RPGRIP1: variants seen among roughly 807,000 people sequenced by gnomAD.
RPGRIP1 encodes X-linked retinitis pigmentosa GTPase regulator-interacting protein 1.
RPGRIP1 carries 128 observed loss-of-function variants against 157.9 expected under a neutral mutation model. That is an observed-to-expected ratio of 0.81 (90% CI 0.70 to 0.94). RPGRIP1 has a LOEUF of 0.94. RPGRIP1 is among the 40% of genes least tolerant of loss of function. The pLI is 0.00. For missense variants in RPGRIP1, 1,486 were observed against 1,545.8 expected (o/e 0.96, Z 0.65); for synonymous variants, 554 against 571.6 (o/e 0.97, Z 0.44).
chr14:21,332,324 A>G (rs1379944742), intron 20 of RPGRIP1, among the ~76,000 whole-genome samples: 4 of 152,150 alleles, frequency 2.6e-5, no homozygotes, highest in Non-Finnish European at 4.4e-5. Flanking sequence ...CATGAGAAGG[A>G]TAATTTTTCT....
chr14:21,334,734 C>G, intron 21 of RPGRIP1, 29 bp downstream of exon 21: 1 of 1,360,994 alleles, frequency 7.3e-7, no homozygotes. Context: ...TCATTGCATA[C>G]GAGATAAGAC....
chr14:21,288,798 C>A (rs1880404294), intron 2 of RPGRIP1, among the ~76,000 whole-genome samples: 1 of 152,098 alleles, frequency 6.6e-6, no homozygotes. Flanking sequence ...CAGGCGTGAG[C>A]CACCGTGCCC....
intron 22 of RPGRIP1, 103 bp from the exon 23 acceptor site, chr14:21,345,010 A>T: frequency 2.6e-6 from 2 of 763,778 alleles, no homozygotes. Flanking sequence ...CAAGGAGTCT[A>T]ATCTTTTTAT....
chr14:21,324,663 G>A lies in RPGRIP1; in HGVS notation c.1808G>A (p.Cys603Tyr), dbSNP rs1217810346. 2.5e-6 allele frequency: 4 copies of A among 1,613,844 alleles called. No individual in the cohort carries two copies. Among genetic ancestry groups the A allele is most frequent in the Non-Finnish European group, 3.4e-6 (4 of 1,179,904 alleles). Residue 603 changes from cysteine (C) to tyrosine (Y), a missense_variant, in exon 15 of 25, where the codon TGT becomes TAT. Transcript: ENST00000400017. The part of the protein sequence containing the change: ...VAYGTRPLSL[C>Y]LETLPAHGDE... ...TATGGCACCCGACCGTTGTCGTTATGTTTGGAAACACTGCCAGCCCATGGA... is the reference window on the plus strand; with the variant it reads ...TATGGCACCCGACCGTTGTCGTTATATTTGGAAACACTGCCAGCCCATGGA...
chr14:21,301,506 G>A lies in RPGRIP1; in HGVS notation c.490+269G>A, dbSNP rs990672297. Among the ~76,000 whole-genome samples, 10 of 151,884 alleles carry A rather than the reference G, an allele frequency of 6.6e-5. No individual in the cohort carries two copies. In the East Asian group the frequency reaches 1.9e-3, roughly 29 times the overall value. On this transcript the variant is annotated intron_variant, in intron 4 of 24. Transcript: ENST00000400017. Reference sequence around the variant, plus strand: ...TCCTTGTCCAACATGGTGAAACCCCGTCTCTAATAAAAATACAAAAATTAG... The same window carrying A: ...TCCTTGTCCAACATGGTGAAACCCCATCTCTAATAAAAATACAAAAATTAG...
chr14:21,301,297 G>T, intron 4 of RPGRIP1, 60 bp downstream of exon 4: 1 of 1,515,232 alleles, frequency 6.6e-7, no homozygotes, highest in South Asian at 1.2e-5. Flanking sequence ...TGATGTGCCA[G>T]CCACGTTTTC....
intron 6 of RPGRIP1, 35 bp from the exon 7 acceptor site, chr14:21,307,696 G>C (rs763849598): frequency 7.6e-7 from 1 of 1,307,252 alleles, no homozygotes. Context: ...TTCTATCCAT[G>C]TTCAGACAGA....
rs141975506 is a variant in RPGRIP1 at position 21,319,328 on chromosome 14, G to A, written c.1307-689G>A. ...TGTAATCCCAGCACATTGGGAGGCC[G>A]AGGCCAGCAGATCACATGAGGCCAG... On this transcript the variant is annotated intron_variant, in intron 11 of 24. Transcript: ENST00000400017. Among the ~76,000 whole-genome samples the A allele has an allele frequency of 9.8e-3, 1,494 of 152,218 alleles. 14 individuals carry two copies. The highest frequency in any genetic ancestry group is 0.075 in the Middle Eastern group (22 of 294).
rs1880936509 is a variant in RPGRIP1 at position 21,299,520 on chromosome 14, T to G, written c.219-1446T>G. Among the ~76,000 whole-genome samples the G allele has an allele frequency of 2.0e-5, 3 of 152,176 alleles. No individual in the cohort carries two copies. In the South Asian group the frequency reaches 6.2e-4, roughly 31 times the overall value. ...TTCTTTATCTGGGTATAATGATATG[T>G]AATAATAATAGCTCACACCTGAAGC... On this transcript the variant is annotated intron_variant, in intron 3 of 24. Coordinates refer to ENST00000400017, the MANE Select transcript of RPGRIP1 (RefSeq NM_020366.4).
chr14:21,296,205 G>A (rs566490535), intron 3 of RPGRIP1, among the ~76,000 whole-genome samples: 41 of 151,536 alleles, frequency 2.7e-4, no homozygotes, highest in Non-Finnish European at 4.0e-4. Context: ...GGATTCAAGC[G>A]ATTCTCCTGC....
At chr14:21,332,656 T>A (rs1883905620) in intron 20 of RPGRIP1, among the ~76,000 whole-genome samples, 1 of 152,214 alleles carries the variant, frequency 6.6e-6, no homozygotes, top group African/African-American at 2.4e-5. Context: ...TAGCTTTTTC[T>A]CCTTGTAGAA....
chr14:21,321,725 CCTT>C (rs375056273), intron 13 of RPGRIP1, 126 bp from the exon 14 acceptor site: 5 of 995,792 alleles, frequency 5.0e-6, no homozygotes, highest in Admixed American at 5.7e-5. Context: ...GGAAATCAAA[CCTT>C]CTTCTAGTGG....
chr14:21,329,244 A>G (rs934286380), intron 19 of RPGRIP1, among the ~76,000 whole-genome samples: 19 of 151,422 alleles, frequency 1.3e-4, no homozygotes, highest in Admixed American at 1.1e-3. Context: ...GCTTGAACCC[A>G]GGAGGCGGAG....
chr14:21,331,747 A>G (rs1311901823), intron 20 of RPGRIP1, among the ~76,000 whole-genome samples: 5 of 152,090 alleles, frequency 3.3e-5, no homozygotes, highest in African/African-American at 4.8e-5. Flanking sequence ...GAACGGTGAT[A>G]GAGATGTTCA....
intron 24 of RPGRIP1, among the ~76,000 whole-genome samples, chr14:21,349,919 G>C (rs543733106): frequency 6.6e-6 from 1 of 152,270 alleles, no homozygotes; most frequent in African/African-American, 2.4e-5. Context: ...ACATAGCTGG[G>C]ATGTCACCTA....
intron 21 of RPGRIP1, among the ~76,000 whole-genome samples, chr14:21,338,464 A>T (rs947277592): frequency 1.3e-5 from 2 of 152,208 alleles, no homozygotes; most frequent in African/African-American, 2.4e-5. Flanking sequence ...GTTATCTGGC[A>T]CTAATCCTTG....
intron 11 of RPGRIP1, among the ~76,000 whole-genome samples, chr14:21,318,538 C>T (rs1184627071): frequency 2.0e-5 from 3 of 152,190 alleles, no homozygotes; most frequent in South Asian, 2.1e-4. Flanking sequence ...TACAGTGATG[C>T]GATCTGGGCT....
intron 19 of RPGRIP1, 34 bp downstream of exon 19, chr14:21,328,661 T>C: frequency 7.1e-7 from 1 of 1,406,272 alleles, no homozygotes; most frequent in Non-Finnish European, 1.0e-6. Context: ...CACTAAATTG[T>C]GGGTTGTAGT....
At chr14:21,295,234 A>T (rs912222155) in intron 3 of RPGRIP1, among the ~76,000 whole-genome samples, 1 of 152,100 alleles carries the variant, frequency 6.6e-6, no homozygotes, top group Admixed American at 6.6e-5. Context: ...AGCATCATTA[A>T]GAGCTTGGGT....
Sources: allele counts gnomAD v4.1 joint callset (sites outside exome capture counted in the v4.1 genomes callset), GRCh38; gene constraint gnomAD v4.1.1; transcripts MANE v1.5; gene names NCBI Gene and HGNC (gene_info 2026-07-23, HGNC 2026-07-21).